A2ML1: variants seen among roughly 807,000 people sequenced by gnomAD.
A2ML1 encodes the protein alpha-2-macroglobulin like 1.
Under a neutral mutation model 181.9 loss-of-function variants are expected in A2ML1, and 161 were observed. The ratio of observed to expected loss-of-function variants is 0.89; its 90% CI spans 0.78 to 1.01. A2ML1 has a LOEUF of 1.01. Among genes scored for constraint, A2ML1 ranks in the 50% least tolerant of loss-of-function variants. A2ML1 has a pLI of 0.00. For synonymous variants in A2ML1, 663 were observed against 666.8 expected (o/e 0.99, Z 0.09); for missense variants, 1,670 against 1,768.1 (o/e 0.94, Z 1.00).
intron 20 of A2ML1, among the ~76,000 whole-genome samples, chr12:8,853,805 A>T (rs147981319): frequency 6.6e-6 from 1 of 152,310 alleles, no homozygotes; most frequent in Non-Finnish European, 1.5e-5. Context: ...ACCTAATCCC[A>T]GAAGAGTCAT....
At chr12:8,866,838 G>GTT (rs199612727) in intron 29 of A2ML1, among the ~76,000 whole-genome samples, 2,259 of 151,378 alleles carry the variant, frequency 0.015, 56 homozygotes, top group African/African-American at 0.052. Context: ...AAGAAATCGG[G>GTT]TTTTTTTTTG....
chr12:8,842,318 C>T lies in A2ML1; in HGVS notation c.1248+782C>T, dbSNP rs61921917. ...CTGCAAGCTCCGCCTCCCCGGTTCA[C>T]GCCATTCTCCTGCCTCAGCCTCCCC... On this transcript the variant is annotated intron_variant, in intron 11 of 35. Coordinates refer to ENST00000299698, the MANE Select transcript of A2ML1 (RefSeq NM_144670.6). 1.8e-4 allele frequency among the ~76,000 whole-genome samples: 27 copies of T among 151,910 alleles called. 1 individual carries two copies. In the East Asian group the frequency reaches 2.5e-3, roughly 14 times the overall value.
intron 5 of A2ML1, 107 bp downstream of exon 5, chr12:8,834,789 C>A: frequency 7.2e-7 from 1 of 1,389,414 alleles, no homozygotes; most frequent in South Asian, 1.2e-5. Flanking sequence ...TGGCCCAGAG[C>A]CCCATGACTC....
intron 24 of A2ML1, 55 bp downstream of exon 24, chr12:8,857,395 C>A: frequency 6.3e-7 from 1 of 1,579,894 alleles, no homozygotes; most frequent in Non-Finnish European, 8.6e-7. Context: ...GGCCCTATGA[C>A]AGATTGATGA....
intron 2 of A2ML1, 146 bp from the exon 3 acceptor site, chr12:8,823,574 T>A: frequency 9.1e-7 from 1 of 1,099,584 alleles, no homozygotes; most frequent in Non-Finnish European, 1.3e-6. Context: ...ACCTTAATTC[T>A]TCCTCGTGGT....
intron 23 of A2ML1, among the ~76,000 whole-genome samples, chr12:8,856,898 C>CTTTTTTTTTTTT (rs71891886): frequency 2.2e-4 from 28 of 124,966 alleles, no homozygotes; most frequent in African/African-American, 3.0e-4. Context: ...ACAGTAGGTA[C>CTTTTTTTTTTTT]TTTTTTTTTT....
chr12:8,845,515 GC>G lies in A2ML1; in HGVS notation c.1537+14del. The stretch of plus-strand genomic sequence containing the variant: ...TCTAAGAAGAAAGGTGAGTGTACAT[GC>G]TTTTCCCGGAAGCAAACAGGATATT... On this transcript the variant is annotated intron_variant, in intron 13 of 35. Coordinates refer to ENST00000299698, the MANE Select transcript of A2ML1 (RefSeq NM_144670.6). 6.2e-7 allele frequency: 1 copy of G among 1,614,006 alleles called. No homozygotes were observed. Among genetic ancestry groups the G allele is most frequent in the Non-Finnish European group, 8.5e-7 (1 of 1,179,914 alleles).
intron 3 of A2ML1, among the ~76,000 whole-genome samples, chr12:8,826,918 T>G (rs965965491): frequency 6.6e-6 from 1 of 152,168 alleles, no homozygotes; most frequent in East Asian, 1.9e-4. Flanking sequence ...CACGTCTGTC[T>G]TCTTGCACTT....
At chr12:8,878,999 T>C (rs771227785), downstream of A2ML1, among the ~76,000 whole-genome samples, 1 of 152,002 alleles carries the variant, frequency 6.6e-6, no homozygotes, top group African/African-American at 2.4e-5. The surrounding 1 kb of genome is among the most constrained non-coding windows in gnomAD (Gnocchi z 4.4). Flanking sequence ...TAAAAGCGTA[T>C]ACTGAAGAGA....
intron 10 of A2ML1, among the ~76,000 whole-genome samples, chr12:8,840,711 C>T (rs2136796848): frequency 6.6e-6 from 1 of 152,006 alleles, no homozygotes; most frequent in East Asian, 1.9e-4. Flanking sequence ...AGTTCGAAAC[C>T]AGCCTGACCA....
chr12:8,878,060 T>C (rs1414253326), downstream of A2ML1, among the ~76,000 whole-genome samples: 1 of 152,168 alleles, frequency 6.6e-6, no homozygotes, highest in Non-Finnish European at 1.5e-5. The surrounding 1 kb of genome is among the most constrained non-coding windows in gnomAD (Gnocchi z 4.4). Context: ...CCCAGCACTT[T>C]GGGAGGCCGA....
intron 25 of A2ML1, 127 bp from the exon 26 acceptor site, chr12:8,857,819 A>T: frequency 7.4e-7 from 1 of 1,359,556 alleles, no homozygotes; most frequent in Non-Finnish European, 1.0e-6. Context: ...TCTCTTTTCT[A>T]GGCCTGCTAT....
chr12:8,823,252 C>G lies in A2ML1; in HGVS notation c.133C>G (p.Pro45Ala). ...TCAGAAGGTTTGTTTGGACCTGAGC[C>G]CTGGGTACAGTGATGTTAAATTCAC... ...SVQKVCLDLS[P>A]GYSDVKFTVT... The change falls in exon 2 of 36, where the codon CCT (proline) becomes GCT (alanine). Residue 45 changes from proline to alanine, a missense_variant. Pro to Ala is a conservative substitution (Grantham distance 27). Transcript: ENST00000299698. The G allele has an allele frequency of 6.2e-7, 1 of 1,614,086 alleles. No homozygotes were observed. The highest frequency in any genetic ancestry group is 8.5e-7 in the Non-Finnish European group (1 of 1,180,016).
intron 23 of A2ML1, among the ~76,000 whole-genome samples, chr12:8,856,233 T>C (rs1944057275): frequency 6.6e-6 from 1 of 152,192 alleles, no homozygotes; most frequent in Non-Finnish European, 1.5e-5. Context: ...CACCCTCTAT[T>C]GAGATCCTTT....
At chr12:8,876,037 G>A (rs1163588702) in intron 35 of A2ML1, 21 bp from the exon 36 acceptor site, 1 of 151,916 alleles carries the variant, frequency 6.6e-6, no homozygotes, top group African/African-American at 2.4e-5. Context: ...TCTATTTTTT[G>A]TTTGATTGTT....
At chr12:8,831,174 C>T (rs73036965) in intron 4 of A2ML1, among the ~76,000 whole-genome samples, 14,277 of 152,048 alleles carry the variant, frequency 0.094, 1,944 homozygotes, top group African/African-American at 0.3. Flanking sequence ...TTGCGCAGGC[C>T]GGTCTTGAGC....
At chr12:8,845,576 G>T in intron 13 of A2ML1, 74 bp downstream of exon 13, 2 of 1,494,406 alleles carry the variant, frequency 1.3e-6, no homozygotes, top group East Asian at 2.3e-5. Context: ...GGCCAGGCGC[G>T]GTGGCTCATG....
intron 6 of A2ML1, 149 bp downstream of exon 6, chr12:8,835,815 C>A (rs774855244): frequency 1.3e-5 from 12 of 923,166 alleles, no homozygotes; most frequent in African/African-American, 1.7e-5. Flanking sequence ...AGATCGAGAC[C>A]ACCCTGGCTA....
intron 7 of A2ML1, among the ~76,000 whole-genome samples, chr12:8,836,557 C>T (rs757222395): frequency 4.0e-5 from 6 of 149,424 alleles, no homozygotes; most frequent in African/African-American, 1.5e-4. Context: ...GATCTCGGCT[C>T]ACTGCAACCT....
Sources: gnomAD v4.1 joint callset for allele counts (sites outside exome capture counted in the v4.1 genomes callset) on GRCh38, gnomAD v4.1.1 for gene constraint, Gnocchi (gnomAD v3.1) non-coding constraint, MANE v1.5 for transcripts, NCBI Gene and HGNC (gene_info 2026-07-23, HGNC 2026-07-21) for gene names.